SMAD6: variants seen among roughly 807,000 people sequenced by gnomAD.
SMAD6 encodes SMAD family member 6, also known as MAD homolog 6.
A neutral mutation model predicts 39.4 loss-of-function variants in SMAD6; 103 were observed. The ratio of observed to expected loss-of-function variants is 2.62; its 90% CI spans 2.23 to 3.08. The LOEUF is 3.08. Among genes scored for constraint, SMAD6 ranks in the 30% most tolerant of loss-of-function variants. The probability of loss-of-function intolerance (pLI) is 0.00; values close to 1 mark genes in which losing one functional copy is unlikely to be tolerated. For synonymous variants in SMAD6, 445 were observed against 353.3 expected (o/e 1.26, Z -2.91); for missense variants, 1,104 against 742.9 (o/e 1.49, Z -5.65).
In SMAD6 at chr15:66,703,833, T is replaced by TG; in HGVS notation, c.577dup (p.Glu193GlyfsTer110). The TG allele has an allele frequency of 7.2e-7, 1 of 1,395,748 alleles. No individual in the cohort carries two copies. The highest frequency in any genetic ancestry group is 9.4e-7 in the Non-Finnish European group (1 of 1,063,126). The allele number at this position is 1,395,748 out of a possible 1,614,324, so 86.5% of individuals were successfully genotyped here. Reference sequence around the variant, plus strand: ...AAGGAGCGCTCGCTGGACACGCTGCTGGAGGCGGTGGAGTCCCGCGGCGGC... The same window carrying TG: ...AAGGAGCGCTCGCTGGACACGCTGCTGGGAGGCGGTGGAGTCCCGCGGCGGC... On this transcript the variant is annotated frameshift_variant, in exon 1 of 4. Transcript: ENST00000288840. LOFTEE classifies it high-confidence loss of function.
chr15:66,704,135 CCTT>C (rs749220784), intron 1 of SMAD6, 60 bp downstream of exon 1: 14 of 1,275,584 alleles, frequency 1.1e-5, no homozygotes, highest in Non-Finnish European at 1.3e-5. Context: ...CCTTCCGTGC[CCTT>C]CTCTCTGTGA....
chr15:66,703,226 CT>C lies in SMAD6; in HGVS notation c.-32del, dbSNP rs1893013891. On this transcript the variant is annotated 5_prime_UTR_variant, in exon 1 of 4. Coordinates refer to ENST00000288840, the MANE Select transcript of SMAD6 (RefSeq NM_005585.5). ...CGGACCCCCGGTAACCGGAGACCGC[CT>C]CCCCCCCACCCCTGGCGCCAAAGGA... 4.5e-6 allele frequency: 6 copies of C among 1,343,848 alleles called. No homozygotes were observed. The highest frequency in any genetic ancestry group is 5.8e-6 in the Non-Finnish European group (6 of 1,038,282). The allele number at this position is 1,343,848 out of a possible 1,614,324, so 83.2% of individuals were successfully genotyped here.
rs2140604770 is a variant in SMAD6, at chr15:66,716,462, A to G, written c.916A>G (p.Thr306Ala). 1.2e-6 allele frequency: 2 copies of G among 1,613,870 alleles called. No homozygotes were observed. Among genetic ancestry groups the G allele is most frequent in the Non-Finnish European group, 1.7e-6 (2 of 1,179,706 alleles). Residue 306 changes from threonine to alanine, a missense_variant, in exon 3 of 4, where the codon ACC becomes GCC. By Grantham distance (58) the Thr-to-Ala change is moderately conservative. Transcript: ENST00000288840. ...STLSYTETEA[T>A]NSLITAPGEF... ...ATTGTCTTACACTGAAACGGAGGCT[A>G]CCAACTCCCTCATCACTGCTCCGGG...
intron 3 of SMAD6, among the ~76,000 whole-genome samples, chr15:66,718,110 C>CTGTGTGTGTGTGTGTGTG (rs1390215623): frequency 1.4e-5 from 1 of 72,414 alleles, no homozygotes; most frequent in African/African-American, 7.1e-5. Flanking sequence ...GATGGAAAGT[C>CTGTGTGTGTGTGTGTGTG]CGTGTGTGTG....
Position 66,781,168 on chromosome 15 carries a change from A to T in SMAD6, c.1124A>T (p.Gln375Leu). ...GFCLGQLNLEQRSESVRRTRS... is the reference protein window; with the variant it reads ...GFCLGQLNLELRSESVRRTRS... ...TGCCTGGGCCAGCTCAACCTGGAGC[A>T]GCGCAGCGAGTCGGTGCGGCGAACG... The change falls in exon 4 of 4, where the codon CAG becomes CTG. Residue 375 changes from glutamine to leucine, a missense_variant. Coordinates refer to ENST00000288840, the MANE Select transcript of SMAD6 (RefSeq NM_005585.5). 6.2e-7 allele frequency: 1 copy of T among 1,607,962 alleles called. No individual in the cohort carries two copies.
Position 66,702,954 on chromosome 15 carries a change from G to GCC in SMAD6, c.-300_-299dup. On this transcript the variant is annotated 5_prime_UTR_variant, in exon 1 of 4. The change creates a premature stop within an existing upstream ORF in the 5' untranslated region. Transcript: ENST00000288840. ...TCTTTCTGGCGGCGCGCCGCCTGCA[G>GCC]CCCCCCTAAAGCGCGGGGGCTGGAG... The GCC allele has an allele frequency of 3.7e-6, 1 of 269,698 alleles. No individual in the cohort carries two copies. The highest frequency in any genetic ancestry group is 7.0e-6 in the Non-Finnish European group (1 of 143,262). 16.7% of individuals were successfully genotyped at this position (269,698 alleles called of 1,614,324 possible). A position where few individuals can be genotyped will look rare whatever the true frequency, so the allele number is the denominator to read the frequency against.
chr15:66,734,982 A>G (rs2165295), intron 3 of SMAD6, among the ~76,000 whole-genome samples: 117,916 of 152,256 alleles, frequency 0.77, 45,995 homozygotes, highest in East Asian at 0.95. Flanking sequence ...GTCTCCCAGC[A>G]GGTAGGACCG....
rs1434189048 is a variant in SMAD6, at chr15:66,781,834, T to G, written c.*299T>G. 2.8e-5 allele frequency: 11 copies of G among 398,678 alleles called. No individual in the cohort carries two copies. Among genetic ancestry groups the G allele is most frequent in the Non-Finnish European group, 4.0e-5 (9 of 226,060 alleles). The allele number at this position is 398,678 out of a possible 1,614,324, so 24.7% of individuals were successfully genotyped here. On this transcript the variant is annotated 3_prime_UTR_variant, in exon 4 of 4. Coordinates refer to ENST00000288840, the MANE Select transcript of SMAD6 (RefSeq NM_005585.5). Reference sequence around the variant, plus strand: ...TACAGATATATTTTCTTTCTCTTCCTCCTTCCTCTTCCTTACTTTTTATAT... The same window carrying G: ...TACAGATATATTTTCTTTCTCTTCCGCCTTCCTCTTCCTTACTTTTTATAT...
chr15:66,777,098 CAT>C (rs35955283), intron 3 of SMAD6, among the ~76,000 whole-genome samples: 15,557 of 152,206 alleles, frequency 0.1, 927 homozygotes, highest in African/African-American at 0.16. Context: ...CTGTTAAAAA[CAT>C]GTGTTGGTTT....
intron 3 of SMAD6, among the ~76,000 whole-genome samples, chr15:66,757,936 C>T (rs1894132355): frequency 6.6e-6 from 1 of 152,246 alleles, no homozygotes. Flanking sequence ...CTACCTCAGA[C>T]AGCACTTTCC....
At chr15:66,779,213 C>A (rs1355845355) in intron 3 of SMAD6, among the ~76,000 whole-genome samples, 3 of 152,126 alleles carry the variant, frequency 2.0e-5, no homozygotes, top group Non-Finnish European at 4.4e-5. Flanking sequence ...TAGTGACCTC[C>A]CAAGGGCTTG....
At chr15:66,753,575 C>T (rs1158698819) in intron 3 of SMAD6, among the ~76,000 whole-genome samples, 1 of 152,184 alleles carries the variant, frequency 6.6e-6, no homozygotes, top group East Asian at 1.9e-4. Flanking sequence ...CAAAGTCGTA[C>T]GTACCATACT....
rs1389063361 is a variant in SMAD6 at position 66,730,084 on chromosome 15, CAT to C, written c.952+13587_952+13588del. 4.6e-5 allele frequency among the ~76,000 whole-genome samples: 7 copies of C among 152,322 alleles called. No homozygotes were observed. The East Asian group carries it at 1.2e-3, about 25-fold the overall frequency. ...ACCCTCTTGCCCAGATGCGGGGACA[CAT>C]GTGGGTGCCCCGCTGATGCATGGTG... On this transcript the variant is annotated intron_variant, in intron 3 of 3. Transcript: ENST00000288840.
In SMAD6 at chr15:66,740,180, C is replaced by G. The variant is rs1415752184; in HGVS notation, c.952+23682C>G. 6.4e-4 allele frequency among the ~76,000 whole-genome samples: 97 copies of G among 152,344 alleles called. 1 individual carries two copies. Among genetic ancestry groups the G allele is most frequent in the East Asian group, 1.9e-4 (1 of 5,188 alleles). On this transcript the variant is annotated intron_variant, in intron 3 of 3. Transcript: ENST00000288840. Reference sequence around the variant, plus strand: ...CACATGGCAGGCCGTGGCACTCACCCTGGCAGTCCTCCCCTGTGCATTCCT... The same window carrying G: ...CACATGGCAGGCCGTGGCACTCACCGTGGCAGTCCTCCCCTGTGCATTCCT...
chr15:66,771,071 T>C (rs1464943370), intron 3 of SMAD6, among the ~76,000 whole-genome samples: 1 of 152,154 alleles, frequency 6.6e-6, no homozygotes, highest in Non-Finnish European at 1.5e-5. Flanking sequence ...CCAGGGAACC[T>C]GGAACAGTCT....
At chr15:66,731,255 G>A (rs932945003) in intron 3 of SMAD6, among the ~76,000 whole-genome samples, 1 of 151,570 alleles carries the variant, frequency 6.6e-6, no homozygotes, top group Non-Finnish European at 1.5e-5. Context: ...CGGCTAAAAC[G>A]GTGAAACCCC....
rs2140599195 is a variant in SMAD6 at position 66,713,521 on chromosome 15, T to C, written c.874+1797T>C. Among the ~76,000 whole-genome samples, 3 of 152,266 alleles carry C rather than the reference T, an allele frequency of 2.0e-5. 1 individual carries two copies. Among genetic ancestry groups the C allele is most frequent in the African/African-American group, 7.2e-5 (3 of 41,542 alleles). Reference sequence around the variant, plus strand: ...TTTTAGTAGAGATGGAGTTTTACCATATTGGCCAGGCTGGTCTCGATCTCC... The same window carrying C: ...TTTTAGTAGAGATGGAGTTTTACCACATTGGCCAGGCTGGTCTCGATCTCC... On this transcript the variant is annotated intron_variant, in intron 2 of 3. Coordinates refer to ENST00000288840, the MANE Select transcript of SMAD6 (RefSeq NM_005585.5).
At chr15:66,718,632 G>A (rs1342532481) in intron 3 of SMAD6, among the ~76,000 whole-genome samples, 1 of 152,214 alleles carries the variant, frequency 6.6e-6, no homozygotes, top group Non-Finnish European at 1.5e-5. Flanking sequence ...GTCCCTTCCA[G>A]GGATGCCATG....
chr15:66,734,402 C>T (rs4776317), intron 3 of SMAD6, among the ~76,000 whole-genome samples: 2,689 of 152,266 alleles, frequency 0.018, 28 homozygotes, highest in Middle Eastern at 0.031. Flanking sequence ...CTCCCTTGGT[C>T]ACTGCAGACA....
Sources: gnomAD v4.1 joint callset for allele counts (sites outside exome capture counted in the v4.1 genomes callset) on GRCh38, gnomAD v4.1.1 for gene constraint, MANE v1.5 for transcripts, NCBI Gene and HGNC (gene_info 2026-07-23, HGNC 2026-07-21) for gene names.